The following CCDC171 variants were observed in gnomAD, a reference collection of about 807,000 sequenced individuals.
CCDC171 encodes coiled-coil domain containing 171.
Under a neutral mutation model 168.2 loss-of-function variants are expected in CCDC171, and 177 were observed. The ratio of observed to expected loss-of-function variants is 1.05; its 90% CI spans 0.93 to 1.19. CCDC171 has a LOEUF of 1.19. Among genes scored for constraint, CCDC171 ranks in the 50% most tolerant of loss-of-function variants. CCDC171 has a pLI of 0.00. For synonymous variants in CCDC171, 687 were observed against 540.8 expected, an observed-to-expected ratio of 1.27 and a Z score of -3.75; for missense variants, 1,991 against 1,539.0, an observed-to-expected ratio of 1.29 and a Z score of -4.91.
intron 21 of CCDC171, among the ~76,000 whole-genome samples, chr9:15,838,718 C>T (rs774648637): frequency 2.0e-5 from 3 of 152,194 alleles, no homozygotes; most frequent in Non-Finnish European, 2.9e-5. Flanking sequence ...AGGCATTCAC[C>T]ACCACGCCTG....
chr9:15,770,304 A>G (rs2056946815), intron 18 of CCDC171, among the ~76,000 whole-genome samples: 1 of 152,210 alleles, frequency 6.6e-6, no homozygotes. Flanking sequence ...CTAAAAAACT[A>G]TCTTTATCTA....
chr9:16,038,544 G>A (rs1438780898), upstream of CCDC171, among the ~76,000 whole-genome samples: 2 of 151,994 alleles, frequency 1.3e-5, no homozygotes, highest in Non-Finnish European at 2.9e-5. Context: ...ACATCTGTAT[G>A]TATATACAGA....
At chr9:16,082,085 A>G in the CCDC171 span, among the ~76,000 whole-genome samples, 1 of 152,202 alleles carries the variant, frequency 6.6e-6, no homozygotes, top group Non-Finnish European at 1.5e-5. Flanking sequence ...TCTAAATTAC[A>G]TTGGAAAAGG....
At chr9:15,947,066 A>G (rs892775355) in intron 25 of CCDC171, among the ~76,000 whole-genome samples, 2 of 152,040 alleles carry the variant, frequency 1.3e-5, no homozygotes, top group African/African-American at 2.4e-5. Context: ...TGATTCTAAC[A>G]AGTCAAACTA....
chr9:15,662,864 C>G (rs2048423115), intron 8 of CCDC171, among the ~76,000 whole-genome samples: 1 of 151,962 alleles, frequency 6.6e-6, no homozygotes, highest in Non-Finnish European at 1.5e-5. Context: ...ACCTGTAATC[C>G]CAGCTACTCA....
chr9:16,013,155 C>T (rs1258773802), intron 3 of CCDC171, among the ~76,000 whole-genome samples: 1 of 152,146 alleles, frequency 6.6e-6, no homozygotes, highest in Non-Finnish European at 1.5e-5. Context: ...TTCCAGTATT[C>T]AAAACCACAG....
intron 2 of CCDC171, among the ~76,000 whole-genome samples, chr9:15,565,082 C>A (rs2039617417): frequency 7.1e-6 from 1 of 140,556 alleles, no homozygotes; most frequent in African/African-American, 2.5e-5. Context: ...CTACCCACCC[C>A]CCACTTTTTT....
At chr9:16,069,640 C>A in the CCDC171 span, among the ~76,000 whole-genome samples, 1 of 152,236 alleles carries the variant, frequency 6.6e-6, no homozygotes, top group African/African-American at 2.4e-5. Flanking sequence ...GTCCCTTGAT[C>A]TTCAAGGGTA....
chr9:15,578,475 G>T (rs2040852068), intron 3 of CCDC171, among the ~76,000 whole-genome samples: 1 of 149,474 alleles, frequency 6.7e-6, no homozygotes, highest in Non-Finnish European at 1.5e-5. Flanking sequence ...TGCCCATGTG[G>T]CCCGGGCTGG....
At chr9:15,687,300 A>C (rs2050464554) in intron 10 of CCDC171, among the ~76,000 whole-genome samples, 1 of 151,818 alleles carries the variant, frequency 6.6e-6, no homozygotes, top group Non-Finnish European at 1.5e-5. Context: ...ATCTATATTC[A>C]AAAAAAATAC....
chr9:15,830,892 T>C (rs1029866413), intron 21 of CCDC171, among the ~76,000 whole-genome samples: 4 of 152,096 alleles, frequency 2.6e-5, no homozygotes, highest in African/African-American at 9.7e-5. Context: ...AATAATTCAT[T>C]ATATTATAAA....
intron 6 of CCDC171, among the ~76,000 whole-genome samples, chr9:15,613,879 T>C (rs949652598): frequency 6.6e-6 from 1 of 152,220 alleles, no homozygotes; most frequent in African/African-American, 2.4e-5. Context: ...ATATTGTTGA[T>C]TGTGACTTTT....
the CCDC171 span, among the ~76,000 whole-genome samples, chr9:16,095,521 T>A: frequency 6.6e-6 from 1 of 152,064 alleles, no homozygotes; most frequent in African/African-American, 2.4e-5. Context: ...CTCTCTTCTC[T>A]CTCACACACA....
At chr9:16,093,373 G>A in the CCDC171 span, among the ~76,000 whole-genome samples, 3 of 152,134 alleles carry the variant, frequency 2.0e-5, no homozygotes, top group African/African-American at 7.2e-5. Context: ...GGAGAGGCAG[G>A]GAGTAGGGGG....
intron 8 of CCDC171, among the ~76,000 whole-genome samples, chr9:15,658,018 C>G (rs937811511): frequency 1.3e-5 from 2 of 152,116 alleles, no homozygotes; most frequent in Admixed American, 6.5e-5. Context: ...GGGTGCTTGT[C>G]GAGACAGACC....
At chr9:16,027,741 C>T (rs755278241) in intron 6 of CCDC171, among the ~76,000 whole-genome samples, 3 of 152,038 alleles carry the variant, frequency 2.0e-5, no homozygotes, top group Non-Finnish European at 4.4e-5. Flanking sequence ...TCAGGGAAAC[C>T]CAGTCAAGGG....
chr9:15,754,294 G>A (rs1472423231), intron 18 of CCDC171, among the ~76,000 whole-genome samples: 2 of 152,108 alleles, frequency 1.3e-5, no homozygotes, highest in Non-Finnish European at 2.9e-5. Context: ...CAGTTATCTA[G>A]TTATCAGTTG....
chr9:16,056,949 G>T (rs1164039620), intron 1 of CCDC171, among the ~76,000 whole-genome samples: 2 of 152,200 alleles, frequency 1.3e-5, no homozygotes, highest in African/African-American at 4.8e-5. Flanking sequence ...AATAGAGAAT[G>T]TAGACACAGC....
chr9:15,899,631 TTC>T (rs1821366749), intron 24 of CCDC171, among the ~76,000 whole-genome samples: 1 of 152,214 alleles, frequency 6.6e-6, no homozygotes, highest in Non-Finnish European at 1.5e-5. Context: ...TATTTGTATA[TTC>T]TCTTTTGATA....
Sources: allele counts gnomAD v4.1 joint callset (sites outside exome capture counted in the v4.1 genomes callset), GRCh38; gene constraint gnomAD v4.1.1; transcripts MANE v1.5; gene names NCBI Gene and HGNC (gene_info 2026-07-23, HGNC 2026-07-21).